Variants in ABI3BP observed in about 807,000 individuals in gnomAD.
ABI3BP encodes ABI family member 3 binding protein, also known as target of Nesh-SH3.
Under a neutral mutation model 268.6 loss-of-function variants are expected in ABI3BP, and 216 were observed. The ratio of observed to expected loss-of-function variants is 0.80; its 90% CI spans 0.72 to 0.90. ABI3BP has a LOEUF of 0.90. Among genes scored for constraint, ABI3BP ranks in the 40% least tolerant of loss-of-function variants. The probability of loss-of-function intolerance (pLI) is 0.00; values close to 1 mark genes in which losing one functional copy is unlikely to be tolerated. For missense variants in ABI3BP, 2,090 were observed against 2,182.4 expected (o/e 0.96, Z 0.84); for synonymous variants, 730 against 730.0 (o/e 1.00, Z 0.00).
chr3:100,825,947 T>C, intron 34 of ABI3BP, 103 bp from the exon 35 acceptor site: 1 of 853,600 alleles, frequency 1.2e-6, no homozygotes, highest in South Asian at 1.5e-5. Flanking sequence ...TCTAGGATAA[T>C]TAAACATTTC....
At chr3:100,956,880 G>C (rs1270042818) in intron 1 of ABI3BP, among the ~76,000 whole-genome samples, 1 of 152,186 alleles carries the variant, frequency 6.6e-6, no homozygotes, top group African/African-American at 2.4e-5. Flanking sequence ...GAACATGCCT[G>C]GTTACTGTGG....
intron 67 of ABI3BP, among the ~76,000 whole-genome samples, chr3:100,751,309 T>C (rs555526808): frequency 7.2e-5 from 11 of 152,310 alleles, no homozygotes; most frequent in Non-Finnish European, 1.2e-4. Context: ...AAACTGCTTT[T>C]TTATAGCTGT....
chr3:100,872,469 T>C (rs1352806257), intron 9 of ABI3BP, among the ~76,000 whole-genome samples: 1 of 152,168 alleles, frequency 6.6e-6, no homozygotes. Flanking sequence ...CATGACATCT[T>C]CCAGTTTAAA....
At chr3:100,866,998 T>C (rs2099056952) in intron 9 of ABI3BP, 42 bp from the exon 10 acceptor site, 2 of 1,501,308 alleles carry the variant, frequency 1.3e-6, no homozygotes, top group East Asian at 2.3e-5. Flanking sequence ...ACTTGCAGTG[T>C]CCAAAAATAC....
intron 63 of ABI3BP, 137 bp downstream of exon 63, chr3:100,765,704 A>G: frequency 1.5e-6 from 1 of 653,334 alleles, no homozygotes; most frequent in Non-Finnish European, 2.7e-6. Context: ...ATCTAGTGCT[A>G]TATATAGAAA....
At chr3:100,886,923 C>G (rs910943039) in intron 4 of ABI3BP, among the ~76,000 whole-genome samples, 1 of 151,866 alleles carries the variant, frequency 6.6e-6, no homozygotes, top group African/African-American at 2.4e-5. Flanking sequence ...TATGTATTTA[C>G]TTAGGCCTTC....
intron 1 of ABI3BP, among the ~76,000 whole-genome samples, chr3:100,950,939 A>G (rs1013243445): frequency 1.1e-4 from 16 of 151,906 alleles, no homozygotes; most frequent in African/African-American, 3.4e-4. Flanking sequence ...CCAGCACACT[A>G]AAGTCAACTG....
intron 2 of ABI3BP, chr3:100,911,987 A>G: frequency 1.2e-6 from 1 of 816,558 alleles, no homozygotes; most frequent in South Asian, 1.4e-5. Flanking sequence ...TAAAAAAAGC[A>G]TGGAATATAT....
chr3:100,970,345 G>A (rs1323100889), intron 1 of ABI3BP, among the ~76,000 whole-genome samples: 3 of 152,152 alleles, frequency 2.0e-5, no homozygotes, highest in Admixed American at 6.5e-5. Context: ...GAAAAATGGA[G>A]CACCCCATTG....
intron 14 of ABI3BP, among the ~76,000 whole-genome samples, chr3:100,858,893 C>T (rs937051625): frequency 1.3e-5 from 2 of 152,182 alleles, no homozygotes; most frequent in Admixed American, 6.5e-5. Context: ...CTGGCTGATA[C>T]GAGTAGATGT....
intron 1 of ABI3BP, among the ~76,000 whole-genome samples, chr3:100,959,252 AG>A (rs1247156251): frequency 6.6e-6 from 1 of 152,008 alleles, no homozygotes; most frequent in Non-Finnish European, 1.5e-5. Context: ...GCACTTTGGG[AG>A]GCCGAGGCGG....
intron 7 of ABI3BP, among the ~76,000 whole-genome samples, chr3:100,876,051 A>G (rs1200373761): frequency 6.6e-6 from 1 of 152,198 alleles, no homozygotes; most frequent in Non-Finnish European, 1.5e-5. Context: ...CTCTTCTACC[A>G]AGAAACTTTC....
At chr3:100,950,032 G>A (rs1229908132) in intron 1 of ABI3BP, among the ~76,000 whole-genome samples, 1 of 152,192 alleles carries the variant, frequency 6.6e-6, no homozygotes, top group Non-Finnish European at 1.5e-5. Context: ...ATTGTGAAAA[G>A]CAGTTCCTGA....
intron 8 of ABI3BP, 143 bp downstream of exon 8, chr3:100,875,365 C>T (rs541956374): frequency 6.4e-5 from 42 of 651,442 alleles, no homozygotes; most frequent in Middle Eastern, 3.0e-4. Context: ...GGAATGGACA[C>T]GAGCCAGGAT....
At chr3:100,857,534 A>G (rs2098952943) in intron 14 of ABI3BP, among the ~76,000 whole-genome samples, 1 of 152,188 alleles carries the variant, frequency 6.6e-6, no homozygotes, top group Admixed American at 6.5e-5. Context: ...AGCTTCAGGG[A>G]CTGGCTGGCC....
intron 55 of ABI3BP, among the ~76,000 whole-genome samples, chr3:100,791,197 G>C (rs563977365): frequency 1.3e-5 from 2 of 151,884 alleles, no homozygotes; most frequent in Admixed American, 1.3e-4. Context: ...AATAACAGGT[G>C]AAATTTATAT....
intron 1 of ABI3BP, among the ~76,000 whole-genome samples, chr3:100,984,493 A>C (rs1372475239): frequency 4.6e-5 from 7 of 152,174 alleles, no homozygotes; most frequent in Non-Finnish European, 8.8e-5. Flanking sequence ...GAATGATGAC[A>C]AATCTTCTAT....
chr3:100,872,612 C>A (rs1211215120), intron 9 of ABI3BP, among the ~76,000 whole-genome samples: 1 of 152,066 alleles, frequency 6.6e-6, no homozygotes, highest in African/African-American at 2.4e-5. Context: ...TTCCTCCTTC[C>A]AAACAAGTTC....
At chr3:100,976,808 G>C (rs1468808202) in intron 1 of ABI3BP, among the ~76,000 whole-genome samples, 1 of 152,090 alleles carries the variant, frequency 6.6e-6, no homozygotes, top group East Asian at 1.9e-4. Context: ...TCTCAGATCT[G>C]GCTGTCTTTA....
Sources: allele counts gnomAD v4.1 joint callset (sites outside exome capture counted in the v4.1 genomes callset), GRCh38; gene constraint gnomAD v4.1.1; transcripts MANE v1.5; gene names NCBI Gene and HGNC (gene_info 2026-07-23, HGNC 2026-07-21).